Variants in CRLF1 observed in about 807,000 individuals in gnomAD.
CRLF1 encodes the protein cytokine receptor-like factor 1.
Under a neutral mutation model 48.9 loss-of-function variants are expected in CRLF1, and 36 were observed. That is an observed-to-expected ratio of 0.74 (90% CI 0.56 to 0.97). The LOEUF (loss-of-function observed/expected upper bound fraction) is 0.97. Among genes scored for constraint, CRLF1 ranks in the 50% least tolerant of loss-of-function variants. The probability of loss-of-function intolerance (pLI) is 0.00; values close to 1 mark genes in which losing one functional copy is unlikely to be tolerated. For missense variants in CRLF1, 534 were observed against 575.1 expected, an observed-to-expected ratio of 0.93 and a Z score of 0.73; for synonymous variants, 256 against 253.4, an observed-to-expected ratio of 1.01 and a Z score of -0.10.
chr19:18,594,032 T>TGTGGCC, intron 8 of CRLF1, 33 bp downstream of exon 8: 5 of 695,802 alleles, frequency 7.2e-6, no homozygotes, highest in South Asian at 1.8e-5. Context: ...CTCCCCTTGC[T>TGTGGCC]CCCTCCCGCC....
intron 1 of CRLF1, among the ~76,000 whole-genome samples, chr19:18,604,215 C>T (rs1446826450): frequency 3.3e-5 from 5 of 152,124 alleles, no homozygotes; most frequent in African/African-American, 9.7e-5. Flanking sequence ...TGGCCTGGGC[C>T]GGCGTGGCTC....
At chr19:18,598,356 T>A in intron 4 of CRLF1, 76 bp downstream of exon 4, 2 of 1,511,400 alleles carry the variant, frequency 1.3e-6, no homozygotes, top group Non-Finnish European at 1.8e-6. Context: ...AATGAGAAGG[T>A]GCAGGGGACC....
intron 1 of CRLF1, among the ~76,000 whole-genome samples, chr19:18,602,156 G>A (rs749743367): frequency 6.6e-6 from 1 of 152,216 alleles, no homozygotes; most frequent in Non-Finnish European, 1.5e-5. Flanking sequence ...TCTCTCTCCT[G>A]CTGGCCATCA....
At position 18,596,614 on chromosome 19, in the gene CRLF1, G is replaced by A; in HGVS notation, c.1024+8C>T. 1 of 1,613,908 alleles carries A rather than the reference G, an allele frequency of 6.2e-7. No individual in the cohort carries two copies. The highest frequency in any genetic ancestry group is 8.5e-7 in the Non-Finnish European group (1 of 1,179,922). On this transcript the variant is annotated splice_region_variant and intron_variant, in intron 6 of 8. Coordinates refer to ENST00000392386, the MANE Select transcript of CRLF1 (RefSeq NM_004750.5). ...CGCTGGATCACCCAGCCCTAGGAGG[G>A]TGCTCACCACTGCGGGGAGTGGAGG...
chr19:18,597,062 G>A lies in CRLF1; in HGVS notation c.698-13C>T, dbSNP rs753349471. The A allele has an allele frequency of 6.2e-7, 1 of 1,610,998 alleles. No individual in the cohort carries two copies. The highest frequency in any genetic ancestry group is 1.1e-5 in the South Asian group (1 of 90,872). On this transcript the variant is annotated splice_polypyrimidine_tract_variant and intron_variant, in intron 4 of 8. Coordinates refer to ENST00000392386, the MANE Select transcript of CRLF1 (RefSeq NM_004750.5). ...GGGTCCGTGGTCACTGCGGGGCAGA[G>A]GAGGGACCCTCTCAGCCTGGGACTG...
At chr19:18,605,913 T>A (rs1045984900) in intron 1 of CRLF1, among the ~76,000 whole-genome samples, 1 of 151,942 alleles carries the variant, frequency 6.6e-6, no homozygotes, top group Non-Finnish European at 1.5e-5. Context: ...CGCTGGAGGC[T>A]CTCCGCCCGA....
At chr19:18,593,652 G>C in intron 8 of CRLF1, 73 bp from the exon 9 acceptor site, 1 of 1,557,578 alleles carries the variant, frequency 6.4e-7, no homozygotes, top group Non-Finnish European at 8.7e-7. Context: ...ACTGAAGGAG[G>C]CTTCATTCGT....
chr19:18,598,554 G>T lies in CRLF1; in HGVS notation c.575C>A (p.Pro192His). ...GTCCTTGGGGATGTGGCAGGAGTGG[G>T]GCCCCACTGTGTGGTACTCCTCACA... ...NTCEEYHTVG[P>H]HSCHIPKDLA... is the part of the protein sequence containing the mutation. Residue 192 changes from proline to histidine, a missense_variant, in exon 4 of 9, where the codon CCC (proline) becomes CAC (histidine). By Grantham distance (77) the Pro-to-His change is moderately conservative. Coordinates refer to ENST00000392386, the MANE Select transcript of CRLF1 (RefSeq NM_004750.5). The T allele has an allele frequency of 6.2e-7, 1 of 1,614,052 alleles. No homozygotes were observed.
chr19:18,602,839 G>A (rs1009010313), intron 1 of CRLF1, among the ~76,000 whole-genome samples: 3 of 151,310 alleles, frequency 2.0e-5, no homozygotes, highest in Non-Finnish European at 4.4e-5. Flanking sequence ...GAGTGCAGTG[G>A]CACAATCTCG....
chr19:18,597,053 CG>C lies in CRLF1; in HGVS notation c.698-5del. 1 of 1,611,826 alleles carries C rather than the reference CG, an allele frequency of 6.2e-7. No individual in the cohort carries two copies. Among genetic ancestry groups the C allele is most frequent in the Admixed American group, 1.7e-5 (1 of 59,882 alleles). ...TCGGGCGGGGGGTCCGTGGTCACTG[CG>C]GGGCAGAGGAGGGACCCTCTCAGCC... On this transcript the variant is annotated splice_polypyrimidine_tract_variant and splice_region_variant and intron_variant, in intron 4 of 8. Coordinates refer to ENST00000392386, the MANE Select transcript of CRLF1 (RefSeq NM_004750.5).
At chr19:18,601,298 C>T (rs1976218070) in intron 1 of CRLF1, among the ~76,000 whole-genome samples, 1 of 148,432 alleles carries the variant, frequency 6.7e-6, no homozygotes, top group Non-Finnish European at 1.5e-5. Flanking sequence ...TTTTTTGAGA[C>T]GGAGTTTTGC....
intron 2 of CRLF1, among the ~76,000 whole-genome samples, 155 bp downstream of exon 2, chr19:18,599,410 C>A (rs1048669611): frequency 3.3e-5 from 5 of 152,218 alleles, no homozygotes; most frequent in Non-Finnish European, 7.3e-5. Flanking sequence ...CCGACCGGGT[C>A]TCCAGGTTCT....
chr19:18,594,880 G>A (rs2145327392), intron 6 of CRLF1, among the ~76,000 whole-genome samples: 1 of 152,212 alleles, frequency 6.6e-6, no homozygotes, highest in East Asian at 1.9e-4. Context: ...GAAAGCCAAG[G>A]GTGTCAGCCC....
At position 18,599,741 on chromosome 19, in the gene CRLF1, A is replaced by G. The variant is rs1295488778; in HGVS notation, c.221T>C (p.Leu74Pro). Residue 74 changes from leucine to proline, a missense_variant, in exon 2 of 9, where the codon CTC becomes CCC. Coordinates refer to ENST00000392386, the MANE Select transcript of CRLF1 (RefSeq NM_004750.5). ...GCGGCGCCCGTTGAGGGTCCAGTAG[A>G]GGCCCTCGGCGGTGGCTCCTGGTGG... ...GDPPGATAEG[L>P]YWTLNGRRLP... The G allele has an allele frequency of 1.1e-5, 17 of 1,603,708 alleles. No individual in the cohort carries two copies. Among genetic ancestry groups the G allele is most frequent in the Non-Finnish European group, 1.4e-5 (16 of 1,175,240 alleles).
At chr19:18,596,454 C>G (rs1161560978) in intron 6 of CRLF1, among the ~76,000 whole-genome samples, 168 bp downstream of exon 6, 3 of 152,054 alleles carry the variant, frequency 2.0e-5, no homozygotes, top group African/African-American at 7.2e-5. Flanking sequence ...GTAGGAGAAT[C>G]GCTTGAAACC....
rs751582270 is a variant in CRLF1, at chr19:18,596,780, T to A, written c.866A>T (p.Asp289Val). ...GCGGCAGGAGGTCTGGTTGCTCACATCGTCCACCACCTGGACAGTGAGGAC... is the reference window on the plus strand; with the variant it reads ...GCGGCAGGAGGTCTGGTTGCTCACAACGTCCACCACCTGGACAGTGAGGAC... Reference protein sequence around the residue: ...EDSVDWKVVDDVSNQTSCRLA... With the variant: ...EDSVDWKVVDVVSNQTSCRLA... Residue 289 changes from aspartate to valine, a missense_variant, in exon 6 of 9, where the codon GAT (aspartate) becomes GTT (valine). Physicochemically the swap from Asp to Val is radical, Grantham distance 152 (BLOSUM62 -3). Coordinates refer to ENST00000392386, the MANE Select transcript of CRLF1 (RefSeq NM_004750.5). 2 of 1,613,524 alleles carry A rather than the reference T, an allele frequency of 1.2e-6. No homozygotes were observed. The highest frequency in any genetic ancestry group is 2.2e-5 in the South Asian group (2 of 91,042).
chr19:18,604,979 G>A (rs1007008445), intron 1 of CRLF1, among the ~76,000 whole-genome samples: 12 of 151,768 alleles, frequency 7.9e-5, no homozygotes, highest in Non-Finnish European at 4.4e-5. Flanking sequence ...GGGTCCCCAC[G>A]GGGGTCCCCA....
rs1274577610 is a variant in CRLF1, at chr19:18,594,434, T to G, written c.1025A>C (p.Glu342Ala). 3 of 1,457,924 alleles carry G rather than the reference T, an allele frequency of 2.1e-6. No individual in the cohort carries two copies. The highest frequency in any genetic ancestry group is 1.5e-5 in the African/African-American group (1 of 67,548). The allele number at this position is 1,457,924 out of a possible 1,614,324, so 90.3% of individuals were successfully genotyped here. A position where few individuals can be genotyped will look rare whatever the true frequency, so the allele number is the denominator to read the frequency against. The change falls in exon 7 of 9, where the codon GAG (glutamate) becomes GCG (alanine). Residue 342 changes from glutamate to alanine, a missense_variant and splice_region_variant. Transcript: ENST00000392386. The stretch of plus-strand genomic sequence containing the variant: ...CGCCCCGCCGCCCGGGCCCGGGCGC[T>G]CTGGTGGTGGGCGGAGCGGCAGTGT... ...HPTAASTPRS[E>A]RPGPGGGACE...
At chr19:18,597,460 C>T (rs532963446) in intron 4 of CRLF1, among the ~76,000 whole-genome samples, 13 of 37,996 alleles carry the variant, frequency 3.4e-4, no homozygotes, top group African/African-American at 1.6e-3. Flanking sequence ...GACGGAGTCT[C>T]GCTCTGTCGC....
Sources: gnomAD v4.1 joint callset for allele counts (sites outside exome capture counted in the v4.1 genomes callset) on GRCh38, gnomAD v4.1.1 for gene constraint, MANE v1.5 for transcripts, NCBI Gene and HGNC (gene_info 2026-07-23, HGNC 2026-07-21) for gene names.